The following ATP2C1 variants were observed in gnomAD, a reference collection of about 807,000 sequenced individuals.
ATP2C1 encodes the protein ATPase secretory pathway Ca2+ transporting 1.
Under a neutral mutation model 120.5 loss-of-function variants are expected in ATP2C1, and 31 were observed. The observed-to-expected ratio is 0.26, with a 90% CI of 0.19 to 0.35. The LOEUF is 0.35. Among genes scored for constraint, ATP2C1 ranks in the 10% least tolerant of loss-of-function variants. ATP2C1 has a pLI of 1.00. For synonymous variants in ATP2C1, 351 were observed against 358.7 expected, an observed-to-expected ratio of 0.98 and a Z score of 0.24; for missense variants, 731 against 1,107.5, an observed-to-expected ratio of 0.66 and a Z score of 4.83.
chr3:130,941,395 C>T (rs1258687070), intron 7 of ATP2C1, among the ~76,000 whole-genome samples, 196 bp from the exon 8 acceptor site: 2 of 152,172 alleles, frequency 1.3e-5, no homozygotes, highest in East Asian at 3.9e-4. Context: ...TCAATTTGCA[C>T]ATTTTACATT....
intron 13 of ATP2C1, 144 bp from the exon 14 acceptor site, chr3:130,964,804 G>A (rs776567260): frequency 2.1e-5 from 13 of 609,890 alleles, no homozygotes; most frequent in Non-Finnish European, 3.2e-5. Flanking sequence ...CATAATGAGA[G>A]AAGTTAATCT....
intron 2 of ATP2C1, chr3:130,899,646 G>A (rs893917797): frequency 2.0e-5 from 3 of 152,036 alleles, no homozygotes; most frequent in Non-Finnish European, 1.5e-5. Context: ...TACGACAAAA[G>A]TATAAATCGT....
intron 2 of ATP2C1, chr3:130,899,474 C>T (rs1457293416): frequency 6.6e-6 from 1 of 152,066 alleles, no homozygotes; most frequent in Non-Finnish European, 1.5e-5. Flanking sequence ...TAAAGGTCTT[C>T]ATCCTCATTG....
intron 26 of ATP2C1, among the ~76,000 whole-genome samples, chr3:131,012,465 C>T (rs2063362417): frequency 6.6e-6 from 1 of 151,940 alleles, no homozygotes; most frequent in Admixed American, 6.6e-5. Context: ...ACCATGTCGG[C>T]CAGGCTGGTC....
intron 1 of ATP2C1, among the ~76,000 whole-genome samples, chr3:130,866,096 A>G (rs1482721368): frequency 6.6e-6 from 1 of 152,220 alleles, no homozygotes; most frequent in African/African-American, 2.4e-5. Context: ...CAGTGCTTAC[A>G]ATTCTGTTCT....
intron 2 of ATP2C1, among the ~76,000 whole-genome samples, chr3:130,897,784 T>C (rs1268351180): frequency 6.6e-6 from 1 of 152,224 alleles, no homozygotes; most frequent in Non-Finnish European, 1.5e-5. Flanking sequence ...GACTCCAGGA[T>C]GTTTCATGAA....
chr3:130,901,510 G>T (rs1354552553), intron 2 of ATP2C1, among the ~76,000 whole-genome samples: 3 of 152,030 alleles, frequency 2.0e-5, no homozygotes, highest in Non-Finnish European at 4.4e-5. Context: ...AAATCAGCAG[G>T]ACTTGGACAG....
At chr3:130,971,093 G>A (rs1190692762) in intron 17 of ATP2C1, among the ~76,000 whole-genome samples, 1 of 152,156 alleles carries the variant, frequency 6.6e-6, no homozygotes, top group Non-Finnish European at 1.5e-5. Context: ...TTCAGCTGAT[G>A]TCCCTTAACC....
chr3:130,858,406 C>T (rs1179856274), intron 1 of ATP2C1, among the ~76,000 whole-genome samples: 1 of 152,226 alleles, frequency 6.6e-6, no homozygotes, highest in Non-Finnish European at 1.5e-5. Flanking sequence ...TTTCTATCCT[C>T]CCTCAGTTAG....
chr3:130,864,404 A>T (rs773935457), intron 1 of ATP2C1, among the ~76,000 whole-genome samples: 3 of 152,220 alleles, frequency 2.0e-5, no homozygotes, highest in Non-Finnish European at 4.4e-5. Context: ...AGTTTGGAAA[A>T]CTTGCAGCCT....
chr3:130,953,364 C>A (rs2060450602), intron 8 of ATP2C1, among the ~76,000 whole-genome samples: 2 of 151,956 alleles, frequency 1.3e-5, no homozygotes, highest in Non-Finnish European at 2.9e-5. Flanking sequence ...AAATTGATTC[C>A]AAAATGATGA....
intron 20 of ATP2C1, among the ~76,000 whole-genome samples, chr3:130,989,655 G>A (rs1056667461): frequency 6.6e-6 from 1 of 151,578 alleles, no homozygotes; most frequent in African/African-American, 2.4e-5. Flanking sequence ...TCTATGGAGT[G>A]TACTTTTGCT....
Position 130,959,282 on chromosome 3 carries a change from C to A in ATP2C1, c.840C>A (p.Ile280=). 2 of 1,605,920 alleles carry A rather than the reference C, an allele frequency of 1.2e-6. No individual in the cohort carries two copies. The highest frequency in any genetic ancestry group is 1.7e-6 in the Non-Finnish European group (2 of 1,173,334). Residue 280 remains isoleucine (I), a synonymous_variant, in exon 12 of 28, where the codon ATC becomes ATA. Transcript: ENST00000510168. ...SFYSFGIIGI[I]MLVGWLLGKD... ...TATTTAATTATCTTTCAGGAATCATCATGTTGGTTGGCTGGTTACTGGGAA... is the reference window on the plus strand; with the variant it reads ...TATTTAATTATCTTTCAGGAATCATAATGTTGGTTGGCTGGTTACTGGGAA...
intron 2 of ATP2C1, among the ~76,000 whole-genome samples, chr3:130,900,272 T>C (rs1422332894): frequency 6.6e-6 from 1 of 152,072 alleles, no homozygotes. Flanking sequence ...ATATTGCCCA[T>C]GCTGGTCTTG....
At chr3:130,909,866 ATTTATATTTAT>A (rs571207124) in intron 2 of ATP2C1, among the ~76,000 whole-genome samples, 106 of 151,596 alleles carry the variant, frequency 7.0e-4, no homozygotes, top group African/African-American at 2.4e-3. Context: ...ATATATTTAT[ATTTATATTTAT>A]TTATTGTCAA....
chr3:130,915,691 A>G (rs964366037), intron 2 of ATP2C1, among the ~76,000 whole-genome samples: 23 of 152,292 alleles, frequency 1.5e-4, no homozygotes, highest in African/African-American at 5.3e-4. Flanking sequence ...AAGCCAACAC[A>G]AAAAAGCTCA....
chr3:130,894,062 C>T (rs752748384), upstream of ATP2C1: 1 of 984,758 alleles, frequency 1.0e-6, no homozygotes, highest in Non-Finnish European at 1.2e-6. The surrounding 1 kb of genome is among the most constrained non-coding windows in gnomAD (Gnocchi z 4.5). Context: ...AGGGGCGGAG[C>T]GCAGGAGTCG....
At chr3:130,956,960 GT>G (rs1047422156) in intron 11 of ATP2C1, among the ~76,000 whole-genome samples, 8 of 151,314 alleles carry the variant, frequency 5.3e-5, no homozygotes, top group Non-Finnish European at 1.2e-4. Flanking sequence ...TGTTGTATAA[GT>G]TTTTTTTTCC....
chr3:130,971,976 A>G (rs984968126), intron 17 of ATP2C1, among the ~76,000 whole-genome samples: 2 of 152,174 alleles, frequency 1.3e-5, no homozygotes, highest in Non-Finnish European at 2.9e-5. Flanking sequence ...GAGTTTTAGA[A>G]AAGCTGCCTG....
Sources: allele counts gnomAD v4.1 joint callset (sites outside exome capture counted in the v4.1 genomes callset), GRCh38; gene constraint gnomAD v4.1.1; non-coding constraint Gnocchi (gnomAD v3.1); transcripts MANE v1.5; gene names NCBI Gene and HGNC (gene_info 2026-07-23, HGNC 2026-07-21).